Variants in EDA observed in about 807,000 individuals in gnomAD.
The protein encoded by EDA is ectodysplasin-A.
In EDA, 2 loss-of-function variants were observed where a neutral mutation model predicts 23.6. The ratio of observed to expected loss-of-function variants is 0.08; its 90% CI spans 0.03 to 0.27. The LOEUF (loss-of-function observed/expected upper bound fraction) is 0.27, where lower values mean the gene tolerates loss of function less well. Among genes scored for constraint, EDA ranks in the 10% least tolerant of loss-of-function variants. The probability of loss-of-function intolerance (pLI) is 1.00; values close to 1 mark genes in which losing one functional copy is unlikely to be tolerated. For synonymous variants in EDA, 131 were observed against 132.0 expected, an observed-to-expected ratio of 0.99 and a Z score of 0.05; for missense variants, 229 against 324.2, an observed-to-expected ratio of 0.71 and a Z score of 2.26.
chrX:69,879,479 C>T (rs1350331279), intron 1 of EDA, among the ~76,000 whole-genome samples: 1 of 111,691 alleles, frequency 9.0e-6, no homozygotes, highest in Non-Finnish European at 1.9e-5. Flanking sequence ...CTCTTGAGAC[C>T]TCAGCTCCTC....
At chrX:69,684,703 A>G (rs1478148824) in intron 1 of EDA, among the ~76,000 whole-genome samples, 3 of 112,555 alleles carry the variant, frequency 2.7e-5, no homozygotes. Flanking sequence ...ATGAAAATGA[A>G]TTGTTCATTC....
intron 1 of EDA, among the ~76,000 whole-genome samples, chrX:69,744,003 T>C (rs1190793077): frequency 8.9e-6 from 1 of 111,752 alleles, no homozygotes; most frequent in Non-Finnish European, 1.9e-5. Flanking sequence ...ACAAGTGATA[T>C]GATAACAGTA....
At chrX:69,922,320 A>G (rs1330197860) in intron 1 of EDA, among the ~76,000 whole-genome samples, 1 of 112,127 alleles carries the variant, frequency 8.9e-6, no homozygotes, top group African/African-American at 3.2e-5. Flanking sequence ...GGTAAATACA[A>G]AGGAGTGTGA....
At chrX:69,869,868 A>G (rs1305083417) in intron 1 of EDA, among the ~76,000 whole-genome samples, 1 of 112,172 alleles carries the variant, frequency 8.9e-6, no homozygotes, top group Non-Finnish European at 1.9e-5. Context: ...TTGAGTGACT[A>G]TGGTTCCCAC....
At chrX:69,673,957 C>G (rs1933993097) in intron 1 of EDA, among the ~76,000 whole-genome samples, 1 of 111,671 alleles carries the variant, frequency 9.0e-6, no homozygotes, top group Non-Finnish European at 1.9e-5. Context: ...GTCACATTCC[C>G]TCATCTAAAA....
chrX:69,716,744 C>A (rs1273599270), intron 1 of EDA, among the ~76,000 whole-genome samples: 1 of 111,341 alleles, frequency 9.0e-6, no homozygotes, highest in African/African-American at 3.3e-5. Flanking sequence ...TTCCTGATGT[C>A]TTTGAGCAGT....
Position 69,977,393 on chromosome X carries a change from T to C in EDA, c.502+20261T>C, listed in dbSNP as rs1233801521. 3.6e-5 allele frequency among the ~76,000 whole-genome samples: 4 copies of C among 112,151 alleles called. No homozygotes were observed. In the Admixed American group the frequency reaches 3.8e-4, roughly 11 times the overall value. ...ATGTTCATTTGTCTTGCTTCTGCCTTCTCTTAGATTGGCAGTTCCTTGAGG... is the reference window on the plus strand; with the variant it reads ...ATGTTCATTTGTCTTGCTTCTGCCTCCTCTTAGATTGGCAGTTCCTTGAGG... On this transcript the variant is annotated intron_variant, in intron 2 of 7. Transcript: ENST00000374552.
At chrX:69,905,616 G>A (rs1260968880) in intron 1 of EDA, among the ~76,000 whole-genome samples, 2 of 111,521 alleles carry the variant, frequency 1.8e-5, no homozygotes, top group Non-Finnish European at 3.8e-5. Flanking sequence ...AGCACTCAGT[G>A]ATTGAAAGTG....
chrX:69,686,158 G>A (rs933319058), intron 1 of EDA, among the ~76,000 whole-genome samples: 2 of 111,883 alleles, frequency 1.8e-5, no homozygotes, highest in African/African-American at 6.5e-5. Flanking sequence ...ACAGGCATCC[G>A]CCACCATGCT....
chrX:69,810,291 A>G (rs1400549576), intron 1 of EDA, among the ~76,000 whole-genome samples: 3 of 58,378 alleles, frequency 5.1e-5, no homozygotes, highest in African/African-American at 1.5e-4. Flanking sequence ...AAAAAAAAAA[A>G]AAAAAAAAAA....
rs759915195 is a variant in EDA at position 69,982,015 on chromosome X, G to T, written c.502+24883G>T. Among the ~76,000 whole-genome samples, 4 of 111,301 alleles carry T rather than the reference G, an allele frequency of 3.6e-5. No individual in the cohort carries two copies. The East Asian group carries it at 1.1e-3, about 31-fold the overall frequency. On this transcript the variant is annotated intron_variant, in intron 2 of 7. Coordinates refer to ENST00000374552, the MANE Select transcript of EDA (RefSeq NM_001399.5). ...TAGTGGTTGGAGGAGAGGGGAAGGGGGCGTTTAAGGACCAGAAAATGGCAT... is the reference window on the plus strand; with the variant it reads ...TAGTGGTTGGAGGAGAGGGGAAGGGTGCGTTTAAGGACCAGAAAATGGCAT...
At chrX:69,981,200 A>G (rs1032538748) in intron 2 of EDA, among the ~76,000 whole-genome samples, 1 of 111,561 alleles carries the variant, frequency 9.0e-6, no homozygotes, top group African/African-American at 3.3e-5. Context: ...CTTTTATGTC[A>G]GTAGGATAGG....
At chrX:69,645,553 G>A (rs1055216124) in intron 1 of EDA, among the ~76,000 whole-genome samples, 15 of 53,324 alleles carry the variant, frequency 2.8e-4, no homozygotes, top group Non-Finnish European at 4.6e-4. Flanking sequence ...GCTAGCTTTG[G>A]AATTTGGTTG....
intron 2 of EDA, among the ~76,000 whole-genome samples, chrX:69,993,896 G>A (rs2019622943): frequency 1.8e-5 from 2 of 111,699 alleles, no homozygotes; most frequent in South Asian, 3.8e-4. Flanking sequence ...GCTCTAGGTA[G>A]CATGGGGGAA....
chrX:70,001,016 G>A (rs1235357967), intron 2 of EDA, among the ~76,000 whole-genome samples: 1 of 111,898 alleles, frequency 8.9e-6, no homozygotes, highest in Non-Finnish European at 1.9e-5. Context: ...GGAGAAGGGG[G>A]TGGCAATAAT....
chrX:69,716,934 TG>T (rs2012359975), intron 1 of EDA, among the ~76,000 whole-genome samples: 1 of 111,599 alleles, frequency 9.0e-6, no homozygotes, highest in Non-Finnish European at 1.9e-5. Flanking sequence ...GAAACTTTGC[TG>T]AAGTTGTCTA....
intron 1 of EDA, among the ~76,000 whole-genome samples, chrX:69,648,236 G>T (rs993696497): frequency 1.8e-5 from 2 of 111,647 alleles, no homozygotes; most frequent in African/African-American, 6.5e-5. Flanking sequence ...GTTGTATTTC[G>T]GGGGGACCCT....
chrX:69,849,787 GA>G (rs35849607), intron 1 of EDA, among the ~76,000 whole-genome samples: 3,279 of 110,606 alleles, frequency 0.03, 76 homozygotes, highest in African/African-American at 0.064. Flanking sequence ...TTCTAGTGTA[GA>G]AAAAAAATGA....
intron 1 of EDA, among the ~76,000 whole-genome samples, chrX:69,911,270 A>G (rs2018263110): frequency 8.9e-6 from 1 of 111,813 alleles, no homozygotes; most frequent in Admixed American, 9.6e-5. Flanking sequence ...GACAGAATCT[A>G]TATCCAGAAT....
Sources: gnomAD v4.1 joint callset for allele counts (sites outside exome capture counted in the v4.1 genomes callset) on GRCh38, gnomAD v4.1.1 for gene constraint, MANE v1.5 for transcripts, NCBI Gene and HGNC (gene_info 2026-07-23, HGNC 2026-07-21) for gene names.